TET3: variants seen among roughly 807,000 people sequenced by gnomAD.
TET3 encodes tet methylcytosine dioxygenase 3, also known as methylcytosine dioxygenase TET3.
Under a neutral mutation model 141.4 loss-of-function variants are expected in TET3, and 19 were observed. That is an observed-to-expected ratio of 0.13 (90% CI 0.09 to 0.20). The LOEUF is 0.20. TET3 is among the 10% of genes least tolerant of loss of function. The probability of loss-of-function intolerance (pLI) is 1.00; values close to 1 mark genes in which losing one functional copy is unlikely to be tolerated. For missense variants in TET3, 1,874 were observed against 2,356.9 expected, an observed-to-expected ratio of 0.80 and a Z score of 4.24; for synonymous variants, 1,043 against 980.9, an observed-to-expected ratio of 1.06 and a Z score of -1.18.
intron 2 of TET3, among the ~76,000 whole-genome samples, chr2:73,994,254 A>C (rs1197523542): frequency 6.6e-6 from 1 of 152,182 alleles, no homozygotes; most frequent in Non-Finnish European, 1.5e-5. Flanking sequence ...AGGACAGTTG[A>C]AGGAAGCAGG....
intron 4 of TET3, among the ~76,000 whole-genome samples, chr2:74,056,777 CT>C (rs541405079): frequency 9.5e-4 from 144 of 152,304 alleles, no homozygotes; most frequent in Middle Eastern, 6.8e-3. Context: ...AGAGGAAAAG[CT>C]TTCATCAGCT....
the TET3 span, among the ~76,000 whole-genome samples, chr2:74,117,785 G>A: frequency 2.6e-4 from 40 of 151,398 alleles, no homozygotes; most frequent in South Asian, 1.0e-3. Flanking sequence ...ATGCCCTGTC[G>A]CCCAGGCTGG....
the TET3 span, among the ~76,000 whole-genome samples, chr2:74,134,117 C>G: frequency 6.6e-6 from 1 of 152,198 alleles, no homozygotes; most frequent in South Asian, 2.1e-4. Flanking sequence ...CGCAGGGAAT[C>G]AGTGTGTCTA....
the TET3 span, among the ~76,000 whole-genome samples, chr2:74,114,853 C>CTAAAAAAAAAA: frequency 2.3e-5 from 1 of 43,882 alleles, no homozygotes; most frequent in Non-Finnish European, 3.8e-5. Flanking sequence ...GACTCTGTCT[C>CTAAAAAAAAAA]AAAAAAAAAA....
intron 3 of TET3, among the ~76,000 whole-genome samples, chr2:74,020,005 G>A (rs1685950301): frequency 6.6e-6 from 1 of 152,222 alleles, no homozygotes; most frequent in Non-Finnish European, 1.5e-5. Context: ...GCTGGAAGCA[G>A]AGCTTGTACA....
chr2:74,132,048 G>A, the TET3 span, among the ~76,000 whole-genome samples: 3 of 152,174 alleles, frequency 2.0e-5, no homozygotes, highest in Non-Finnish European at 4.4e-5. Flanking sequence ...GTGTCCGGAG[G>A]TTCCTAGGCG....
In TET3 at chr2:73,986,388, C is replaced by T; in HGVS notation, c.-16C>T. ...GGTTCTGCCCCAGCACCTATGACCCCACCTCTGGCAGCATCATGAGCCAGT... is the reference window on the plus strand; with the variant it reads ...GGTTCTGCCCCAGCACCTATGACCCTACCTCTGGCAGCATCATGAGCCAGT... On this transcript the variant is annotated 5_prime_UTR_variant, in exon 2 of 12. Transcript: ENST00000409262. The T allele has an allele frequency of 8.1e-7, 1 of 1,232,180 alleles. No individual in the cohort carries two copies. Among genetic ancestry groups the T allele is most frequent in the Non-Finnish European group, 1.0e-6 (1 of 988,086 alleles). The allele number at this position is 1,232,180 out of a possible 1,614,324, so 76.3% of individuals were successfully genotyped here. A position where few individuals can be genotyped will look rare whatever the true frequency, so the allele number is the denominator to read the frequency against.
In TET3 at chr2:74,100,783, A is replaced by G. The variant is rs1220082569; in HGVS notation, c.3995A>G (p.Tyr1332Cys). 2.5e-6 allele frequency: 4 copies of G among 1,612,962 alleles called. No individual in the cohort carries two copies. Among genetic ancestry groups the G allele is most frequent in the South Asian group, 1.1e-5 (1 of 90,850 alleles). Residue 1332 changes from tyrosine to cysteine, a missense_variant, in exon 12 of 12, where the codon TAC (tyrosine) becomes TGC (cysteine). Physicochemically the swap from Tyr to Cys is radical, Grantham distance 194. Transcript: ENST00000409262. ...CTGCACAACAGCCTGAGCCCGGCCT[A>G]CGGTGGTGCTGAGTTTGCCGAGCTG... ...HALHNSLSPAYGGAEFAELPS... is the reference protein window; with the variant it reads ...HALHNSLSPACGGAEFAELPS...
At chr2:74,004,766 T>C (rs2105157117) in intron 3 of TET3, among the ~76,000 whole-genome samples, 1 of 152,242 alleles carries the variant, frequency 6.6e-6, no homozygotes, top group South Asian at 2.1e-4. Context: ...TACACACTCT[T>C]TTCTACAGCC....
chr2:74,003,301 G>C (rs894204860), intron 3 of TET3, 135 bp downstream of exon 3: 23 of 1,178,910 alleles, frequency 2.0e-5, no homozygotes, highest in Non-Finnish European at 2.5e-5. Flanking sequence ...GCAGCTGAGG[G>C]GGAGGGGCGG....
intron 4 of TET3, among the ~76,000 whole-genome samples, chr2:74,064,288 T>C (rs1375107566): frequency 6.6e-6 from 1 of 152,266 alleles, no homozygotes; most frequent in Non-Finnish European, 1.5e-5. Flanking sequence ...GTTAGTATTA[T>C]GTGTGTTAAG....
chr2:74,094,336 A>G (rs924739933), intron 10 of TET3, among the ~76,000 whole-genome samples: 1 of 151,728 alleles, frequency 6.6e-6, no homozygotes, highest in African/African-American at 2.4e-5. Flanking sequence ...TGTTCAGGGA[A>G]CAACAGGAAG....
intron 3 of TET3, among the ~76,000 whole-genome samples, chr2:74,030,231 T>A (rs991418206): frequency 6.6e-6 from 1 of 152,266 alleles, no homozygotes; most frequent in Non-Finnish European, 1.5e-5. Flanking sequence ...TTCTGTGGGC[T>A]GCAAATACTT....
chr2:74,004,233 C>G (rs532935643), intron 3 of TET3, among the ~76,000 whole-genome samples: 1 of 152,278 alleles, frequency 6.6e-6, no homozygotes, highest in South Asian at 2.1e-4. Flanking sequence ...CTGGAGTCTT[C>G]AGGGAGCTGG....
At chr2:74,113,835 C>T in the TET3 span, among the ~76,000 whole-genome samples, 1 of 152,012 alleles carries the variant, frequency 6.6e-6, no homozygotes, top group Non-Finnish European at 1.5e-5. Flanking sequence ...ATCCCATGCT[C>T]GCAGATTTGG....
rs1689925682 is a variant in TET3, at chr2:74,083,127, G to C, written c.2679+2536G>C. On this transcript the variant is annotated intron_variant, in intron 6 of 11. Transcript: ENST00000409262. ...TACATCATGGGTGCCCAGCAAATGT[G>C]TGTTGAGAGGATGACCTAGGAAGCA... 1.3e-5 allele frequency among the ~76,000 whole-genome samples: 2 copies of C among 152,202 alleles called. 1 individual carries two copies. Among genetic ancestry groups the C allele is most frequent in the South Asian group, 4.1e-4 (2 of 4,834 alleles).
chr2:74,071,543 T>C (rs1168823118), intron 4 of TET3, among the ~76,000 whole-genome samples: 1 of 152,250 alleles, frequency 6.6e-6, no homozygotes, highest in Non-Finnish European at 1.5e-5. Flanking sequence ...CTTTATATAC[T>C]TTCTCTTGCT....
chr2:74,026,606 A>G (rs576490588), intron 3 of TET3, among the ~76,000 whole-genome samples: 6 of 152,114 alleles, frequency 3.9e-5, no homozygotes, highest in Non-Finnish European at 8.8e-5. Context: ...TAAAAACATG[A>G]TTTGTTTTTT....
intron 4 of TET3, among the ~76,000 whole-genome samples, chr2:74,052,519 G>A (rs890222224): frequency 6.7e-6 from 1 of 148,268 alleles, no homozygotes; most frequent in East Asian, 1.9e-4. Context: ...AACAGAATAT[G>A]GGAACAACTT....
Sources: allele counts gnomAD v4.1 joint callset (sites outside exome capture counted in the v4.1 genomes callset), GRCh38; gene constraint gnomAD v4.1.1; transcripts MANE v1.5; gene names NCBI Gene and HGNC (gene_info 2026-07-23, HGNC 2026-07-21).